TMCC1: variants seen among roughly 807,000 people sequenced by gnomAD.
TMCC1 encodes the protein transmembrane and coiled-coil domains protein 1.
Under a neutral mutation model 52.4 loss-of-function variants are expected in TMCC1, and 15 were observed. The observed-to-expected ratio is 0.29, with a 90% CI of 0.19 to 0.44. The LOEUF (loss-of-function observed/expected upper bound fraction) is 0.44. Among genes scored for constraint, TMCC1 ranks in the 20% least tolerant of loss-of-function variants. The pLI is 1.00. For missense variants in TMCC1, 503 were observed against 806.0 expected (o/e 0.62, Z 4.55); for synonymous variants, 279 against 301.9 (o/e 0.92, Z 0.79).
At chr3:129,811,371 C>G (rs2057798596) in intron 4 of TMCC1, among the ~76,000 whole-genome samples, 1 of 152,086 alleles carries the variant, frequency 6.6e-6, no homozygotes, top group Admixed American at 6.6e-5. Context: ...CTCAAGTGAT[C>G]CTCCTGCCTC....
chr3:129,678,156 G>GT (rs1560170870), intron 4 of TMCC1, among the ~76,000 whole-genome samples: 1 of 151,984 alleles, frequency 6.6e-6, no homozygotes, highest in African/African-American at 2.4e-5. Context: ...CTGGCCTCAA[G>GT]TGATCCACCC....
At position 129,827,818 on chromosome 3, in the gene TMCC1, C is replaced by T. The variant is rs777718632; in HGVS notation, c.561G>A (p.Glu187=). The change falls in exon 4 of 7, where the codon GAG becomes GAA. Residue 187 remains glutamate (E), a synonymous_variant. Coordinates refer to ENST00000393238, the MANE Select transcript of TMCC1 (RefSeq NM_001017395.5). Reference sequence around the variant, plus strand: ...ACAAACTTACCCGCTCCGCAGTTCCCTCCTCTCCTGGTAGACATGCAGCAG... The same window carrying T: ...ACAAACTTACCCGCTCCGCAGTTCCTTCCTCTCCTGGTAGACATGCAGCAG... ...AAAAACLPGE[E]GTAERIERLE... is the part of the protein sequence containing the mutation. 3.1e-6 allele frequency: 5 copies of T among 1,613,434 alleles called. No individual in the cohort carries two copies. The highest frequency in any genetic ancestry group is 4.2e-6 in the Non-Finnish European group (5 of 1,179,410).
chr3:129,804,081 T>C (rs2057333536), intron 4 of TMCC1, among the ~76,000 whole-genome samples: 1 of 152,062 alleles, frequency 6.6e-6, no homozygotes, highest in African/African-American at 2.4e-5. Flanking sequence ...AAAACATCTG[T>C]AGCAGTGAAA....
chr3:129,857,556 T>C (rs1400213447), intron 2 of TMCC1, among the ~76,000 whole-genome samples: 3 of 152,226 alleles, frequency 2.0e-5, no homozygotes, highest in Non-Finnish European at 2.9e-5. Context: ...AAGTACTTTT[T>C]TTTTAATATT....
At chr3:129,778,678 G>GC (rs1553866357) in intron 4 of TMCC1, among the ~76,000 whole-genome samples, 5 of 151,106 alleles carry the variant, frequency 3.3e-5, no homozygotes, top group African/African-American at 9.7e-5. Flanking sequence ...TCATGGTGGG[G>GC]GGGGGGCAGT....
chr3:129,876,501 A>G (rs1419333728), intron 2 of TMCC1, among the ~76,000 whole-genome samples: 1 of 151,994 alleles, frequency 6.6e-6, no homozygotes, highest in African/African-American at 2.4e-5. Flanking sequence ...GACATGAATC[A>G]AAAATAAAGG....
intron 4 of TMCC1, among the ~76,000 whole-genome samples, chr3:129,743,924 G>A (rs1300180198): frequency 6.7e-6 from 1 of 149,852 alleles, no homozygotes; most frequent in Admixed American, 6.6e-5. Flanking sequence ...CATTTGCCAA[G>A]TGCACTTGTT....
intron 2 of TMCC1, among the ~76,000 whole-genome samples, chr3:129,841,592 A>G (rs1577053827): frequency 6.6e-6 from 1 of 152,306 alleles, no homozygotes. Context: ...CAAAATAATA[A>G]TAATAATAAT....
In TMCC1 at chr3:129,649,306, T is replaced by A. The variant is rs568688024; in HGVS notation, c.*2175A>T. On this transcript the variant is annotated 3_prime_UTR_variant, in exon 7 of 7. Transcript: ENST00000393238. ...AACTGTCAGTTCAAAAAGTTCATAG[T>A]GTCCTTTGGCACTCCTGCCTAAAAA... 6.6e-6 allele frequency: 1 copy of A among 152,352 alleles called. No homozygotes were observed. The highest frequency in any genetic ancestry group is 6.5e-5 in the Admixed American group (1 of 15,306). 9.4% of individuals were successfully genotyped at this position (152,352 alleles called of 1,614,324 possible). A position where few individuals can be genotyped will look rare whatever the true frequency, so the allele number is the denominator to read the frequency against.
chr3:129,781,359 G>A (rs2055510055), intron 4 of TMCC1, among the ~76,000 whole-genome samples: 1 of 152,158 alleles, frequency 6.6e-6, no homozygotes, highest in South Asian at 2.1e-4. Context: ...GAATACTGCA[G>A]AGAATAAAGC....
intron 4 of TMCC1, among the ~76,000 whole-genome samples, chr3:129,731,013 C>T (rs1235426759): frequency 1.3e-5 from 2 of 152,148 alleles, no homozygotes; most frequent in Non-Finnish European, 2.9e-5. Flanking sequence ...ATGAAGCCAG[C>T]ATTATCCAGG....
At chr3:129,783,747 G>C (rs942451270) in intron 4 of TMCC1, among the ~76,000 whole-genome samples, 2 of 152,126 alleles carry the variant, frequency 1.3e-5, no homozygotes, top group Admixed American at 6.5e-5. Flanking sequence ...TAAAATTCAG[G>C]AACTGAAGCA....
chr3:129,669,061 G>T (rs183689911), intron 5 of TMCC1, among the ~76,000 whole-genome samples: 142 of 152,338 alleles, frequency 9.3e-4, no homozygotes, highest in South Asian at 5.0e-3. Flanking sequence ...AAGAACAGAA[G>T]AGTAAGAAAA....
intron 5 of TMCC1, among the ~76,000 whole-genome samples, chr3:129,658,172 A>C (rs1050199510): frequency 6.6e-6 from 1 of 152,198 alleles, no homozygotes; most frequent in African/African-American, 2.4e-5. Context: ...TTAGAACATA[A>C]AACACAAATG....
chr3:129,778,677 G>GGT (rs1012030969), intron 4 of TMCC1, among the ~76,000 whole-genome samples: 4 of 151,126 alleles, frequency 2.6e-5, no homozygotes, highest in East Asian at 1.9e-4. Flanking sequence ...ATCATGGTGG[G>GGT]GGGGGGGCAG....
chr3:129,763,848 AC>A (rs1165314548), intron 4 of TMCC1, among the ~76,000 whole-genome samples: 2 of 151,914 alleles, frequency 1.3e-5, no homozygotes, highest in Non-Finnish European at 2.9e-5. Context: ...AAATAAATAA[AC>A]AAAACAAAAT....
chr3:129,723,974 G>A (rs2049871493), intron 4 of TMCC1, among the ~76,000 whole-genome samples: 2 of 151,378 alleles, frequency 1.3e-5, no homozygotes, highest in East Asian at 1.9e-4. Context: ...GGTTTCCGAG[G>A]AGAGTGAGGG....
At chr3:129,697,020 G>T (rs1421081090) in intron 4 of TMCC1, among the ~76,000 whole-genome samples, 1 of 152,180 alleles carries the variant, frequency 6.6e-6, no homozygotes. Flanking sequence ...GCTGTCAGTG[G>T]ATCTACCATC....
In TMCC1 at chr3:129,737,040, T is replaced by G. The variant is rs569655947; in HGVS notation, c.577-65776A>C. 5.9e-5 allele frequency among the ~76,000 whole-genome samples: 9 copies of G among 152,306 alleles called. No homozygotes were observed. In the East Asian group the frequency reaches 1.7e-3, roughly 29 times the overall value. Reference sequence around the variant, plus strand: ...CATATGATCCTCCACACTGCTATGATCTGCATGTCTCCCCAAAATTCATAT... The same window carrying G: ...CATATGATCCTCCACACTGCTATGAGCTGCATGTCTCCCCAAAATTCATAT... On this transcript the variant is annotated intron_variant, in intron 4 of 6. Coordinates refer to ENST00000393238, the MANE Select transcript of TMCC1 (RefSeq NM_001017395.5).
Sources: allele counts gnomAD v4.1 joint callset (sites outside exome capture counted in the v4.1 genomes callset), GRCh38; gene constraint gnomAD v4.1.1; transcripts MANE v1.5; gene names NCBI Gene and HGNC (gene_info 2026-07-23, HGNC 2026-07-21).